ZMYM2: variants seen among roughly 807,000 people sequenced by gnomAD.
The protein encoded by ZMYM2 is zinc finger MYM-type protein 2.
ZMYM2 carries 56 observed loss-of-function variants against 162.8 expected under a neutral mutation model. The observed-to-expected ratio is 0.34, with a 90% confidence interval of 0.28 to 0.43. ZMYM2 has a LOEUF of 0.43. Ranked by LOEUF, ZMYM2 falls within the 20% of genes least tolerant of loss-of-function variation. The pLI, the probability that ZMYM2 is intolerant of heterozygous loss-of-function variation, is 1.00. For synonymous variants in ZMYM2, 510 were observed against 541.6 expected (o/e 0.94, Z 0.81); for missense variants, 1,275 against 1,621.8 (o/e 0.79, Z 3.67).
At chr13:19,868,360 C>T in the ZMYM2 span, among the ~76,000 whole-genome samples, 2 of 152,140 alleles carry the variant, frequency 1.3e-5, no homozygotes, top group Non-Finnish European at 2.9e-5. Flanking sequence ...GTTTCAACTT[C>T]GGTCATTTCA....
intron 2 of ZMYM2, among the ~76,000 whole-genome samples, chr13:19,976,164 G>C (rs7998542): frequency 0.014 from 2,159 of 151,972 alleles, 42 homozygotes; most frequent in African/African-American, 0.048. Context: ...AACATTTTTT[G>C]TAAAAATACA....
Position 19,993,897 on chromosome 13 carries a change from A to G in ZMYM2, c.825A>G (p.Glu275=). Residue 275 remains glutamate (E), a synonymous_variant, in exon 3 of 25, where the codon GAA becomes GAG. Coordinates refer to ENST00000610343, the MANE Select transcript of ZMYM2 (RefSeq NM_197968.4). The stretch of plus-strand genomic sequence containing the variant: ...CAGGAGACGTTTTTCAGAATGGAGA[A>G]TCTGCAACTCATCATAATCCTGGTA... ...NVAGDVFQNG[E]SATHHNPDSW... 4 of 1,612,962 alleles carry G rather than the reference A, an allele frequency of 2.5e-6. No individual in the cohort carries two copies. Among genetic ancestry groups the G allele is most frequent in the Non-Finnish European group, 3.4e-6 (4 of 1,179,528 alleles).
the ZMYM2 span, among the ~76,000 whole-genome samples, chr13:19,895,581 A>T: frequency 6.6e-6 from 1 of 151,834 alleles, no homozygotes; most frequent in African/African-American, 2.4e-5. Context: ...TAAAGCTGCC[A>T]GTTCCCTTCC....
At chr13:19,916,170 C>T in the ZMYM2 span, among the ~76,000 whole-genome samples, 1 of 152,028 alleles carries the variant, frequency 6.6e-6, no homozygotes, top group Non-Finnish European at 1.5e-5. Flanking sequence ...CGAGATAACA[C>T]TTTTACGCCA....
intron 2 of ZMYM2, among the ~76,000 whole-genome samples, chr13:19,982,373 C>T (rs1414105179): frequency 6.7e-6 from 1 of 148,236 alleles, no homozygotes; most frequent in South Asian, 2.2e-4. Flanking sequence ...CTGCTACCTC[C>T]GCCTCCCAGG....
At chr13:19,871,513 T>C in the ZMYM2 span, among the ~76,000 whole-genome samples, 4 of 152,266 alleles carry the variant, frequency 2.6e-5, no homozygotes, top group African/African-American at 9.6e-5. Context: ...TCTTCCCACC[T>C]CAGCCTCCTG....
chr13:20,011,022 A>G (rs1951132716), intron 6 of ZMYM2, among the ~76,000 whole-genome samples: 2 of 152,190 alleles, frequency 1.3e-5, no homozygotes. Flanking sequence ...TAAAATGTGG[A>G]ATGTTCAAAT....
chr13:20,086,051 A>T lies in ZMYM2; in HGVS notation c.*37A>T. ...GCAGAAGCAATCGGGATAAAACAGC[A>T]TTAGATAGTCATGCTGCTAGATCTT... is the stretch of plus-strand genomic sequence containing the variant. On this transcript the variant is annotated 3_prime_UTR_variant, in exon 25 of 25. Coordinates refer to ENST00000610343, the MANE Select transcript of ZMYM2 (RefSeq NM_197968.4). 6.3e-7 allele frequency: 1 copy of T among 1,587,794 alleles called. No homozygotes were observed. Among genetic ancestry groups the T allele is most frequent in the Non-Finnish European group, 8.6e-7 (1 of 1,162,676 alleles).
intron 21 of ZMYM2, among the ~76,000 whole-genome samples, chr13:20,073,192 G>A (rs1302516070): frequency 6.6e-6 from 1 of 152,268 alleles, no homozygotes; most frequent in East Asian, 1.9e-4. Flanking sequence ...ACAGGTGTGA[G>A]CCACCATGCC....
At position 20,085,911 on chromosome 13, in the gene ZMYM2, C is replaced by T; in HGVS notation, c.4031C>T (p.Thr1344Ile). The change falls in exon 25 of 25, where the codon ACT becomes ATT. Residue 1344 changes from threonine to isoleucine, a missense_variant. Physicochemically the swap from Thr to Ile is moderately conservative, Grantham distance 89. Coordinates refer to ENST00000610343, the MANE Select transcript of ZMYM2 (RefSeq NM_197968.4). ...STDSPVWYTSTSLDRNTLENM... is the reference protein window; with the variant it reads ...STDSPVWYTSISLDRNTLENM... Reference sequence around the variant, plus strand: ...GATAGCCCTGTCTGGTATACGTCTACTTCACTGGACCGAAACACCTTGGAA... The same window carrying T: ...GATAGCCCTGTCTGGTATACGTCTATTTCACTGGACCGAAACACCTTGGAA... 6.2e-7 allele frequency: 1 copy of T among 1,613,834 alleles called. No homozygotes were observed. The highest frequency in any genetic ancestry group is 8.5e-7 in the Non-Finnish European group (1 of 1,179,784).
intron 2 of ZMYM2, among the ~76,000 whole-genome samples, chr13:19,961,337 C>T (rs561382267): frequency 1.3e-5 from 2 of 152,160 alleles, no homozygotes; most frequent in Admixed American, 6.5e-5. Flanking sequence ...TCAAAACTAA[C>T]GGGCTGTTTG....
At chr13:20,035,118 GCTATCTTCAC>G (rs1245054360) in intron 11 of ZMYM2, among the ~76,000 whole-genome samples, 1 of 152,064 alleles carries the variant, frequency 6.6e-6, no homozygotes, top group Non-Finnish European at 1.5e-5. Flanking sequence ...TTTCCTGTCT[GCTATCTTCAC>G]CTATAATTTT....
intron 19 of ZMYM2, 65 bp downstream of exon 19, chr13:20,064,610 T>G: frequency 7.9e-7 from 1 of 1,261,808 alleles, no homozygotes; most frequent in Non-Finnish European, 1.0e-6. Context: ...ACAGTGTTCT[T>G]TTAGTGTGCC....
intron 21 of ZMYM2, 109 bp downstream of exon 21, chr13:20,067,499 C>A: frequency 1.7e-6 from 2 of 1,158,826 alleles, no homozygotes; most frequent in Non-Finnish European, 2.3e-6. Flanking sequence ...AGAAACACAT[C>A]TACAAAGTTG....
At chr13:19,879,929 C>T in the ZMYM2 span, among the ~76,000 whole-genome samples, 1 of 152,164 alleles carries the variant, frequency 6.6e-6, no homozygotes. Flanking sequence ...CTGTTGGAGG[C>T]CTTAATAAAA....
At chr13:19,907,158 A>G in the ZMYM2 span, among the ~76,000 whole-genome samples, 2 of 152,220 alleles carry the variant, frequency 1.3e-5, no homozygotes, top group African/African-American at 4.8e-5. Flanking sequence ...GATTACTTAC[A>G]TATTGAGTTG....
At chr13:19,872,652 A>G in the ZMYM2 span, among the ~76,000 whole-genome samples, 2 of 152,256 alleles carry the variant, frequency 1.3e-5, no homozygotes, top group African/African-American at 4.8e-5. Context: ...AATTATGTCT[A>G]CGCTTTCATT....
chr13:20,071,896 T>C, intron 21 of ZMYM2: 1 of 190,684 alleles, frequency 5.2e-6, no homozygotes, highest in Non-Finnish European at 1.1e-5. Context: ...CGTTCAAGGC[T>C]TTCTGCACCA....
chr13:20,084,562 C>T (rs902985633), intron 24 of ZMYM2, among the ~76,000 whole-genome samples: 7 of 152,058 alleles, frequency 4.6e-5, no homozygotes, highest in Non-Finnish European at 1.0e-4. Flanking sequence ...TAAAGGTATG[C>T]TCAAAGGTAG....
Sources: gnomAD v4.1 joint callset for allele counts (sites outside exome capture counted in the v4.1 genomes callset) on GRCh38, gnomAD v4.1.1 for gene constraint, MANE v1.5 for transcripts, NCBI Gene and HGNC (gene_info 2026-07-23, HGNC 2026-07-21) for gene names.